The following RLF variants were observed in gnomAD, a reference collection of about 807,000 sequenced individuals.
RLF encodes zinc finger protein Rlf.
RLF carries 7 observed loss-of-function variants against 162.9 expected under a neutral mutation model. The ratio of observed to expected loss-of-function variants is 0.04; its 90% CI spans 0.02 to 0.08. The LOEUF is 0.08. RLF is among the 10% of genes least tolerant of loss of function. The pLI, the probability that RLF is intolerant of heterozygous loss-of-function variation, is 1.00. For missense variants in RLF, 1,664 were observed against 2,244.7 expected (o/e 0.74, Z 5.23); for synonymous variants, 782 against 791.5 (o/e 0.99, Z 0.20).
chr1:40,236,464 A>G lies in RLF; in HGVS notation c.1762A>G (p.Ile588Val). Reference protein sequence around the residue: ...EDGIYTCPVCIKKFKRKEMFV... With the variant: ...EDGIYTCPVCVKKFKRKEMFV... ...TGGAATTTACACCTGTCCAGTTTGT[A>G]TTAAAAAATTTAAGAGAAAAGAAAT... Residue 588 changes from isoleucine (I) to valine (V), a missense_variant, in exon 8 of 8, where the codon ATT becomes GTT. Physicochemically the swap from Ile to Val is conservative, Grantham distance 29. This residue lies in a region of RLF where 31 missense variants were observed against 80.5 expected (regional missense o/e 0.39). Coordinates refer to ENST00000372771, the MANE Select transcript of RLF (RefSeq NM_012421.4). This position sits in a 1 kb window ranked among gnomAD's most constrained non-coding sequence, Gnocchi z 7.7. 1.2e-6 allele frequency: 2 copies of G among 1,613,906 alleles called. No homozygotes were observed. The highest frequency in any genetic ancestry group is 1.7e-6 in the Non-Finnish European group (2 of 1,179,944).
At position 40,239,783 on chromosome 1, in the gene RLF, C is replaced by T; in HGVS notation, c.5081C>T (p.Pro1694Leu). 1 of 1,614,182 alleles carries T rather than the reference C, an allele frequency of 6.2e-7. No individual in the cohort carries two copies. Among genetic ancestry groups the T allele is most frequent in the Non-Finnish European group, 8.5e-7 (1 of 1,180,028 alleles). ...EQCNIVQPPP[P>L]CKIENSIPNP... is the part of the protein sequence containing the mutation. ...TGTAATATAGTTCAGCCTCCTCCTC[C>T]TTGTAAAATAGAAAATTCCATACCT... The change falls in exon 8 of 8, where the codon CCT becomes CTT. Residue 1694 changes from proline to leucine, a missense_variant. Pro to Leu is a moderately conservative substitution (Grantham distance 98, BLOSUM62 -3). This residue lies in a region of RLF where 327 missense variants were observed against 342.7 expected (regional missense o/e 0.95). Transcript: ENST00000372771.
intron 6 of RLF, among the ~76,000 whole-genome samples, chr1:40,224,623 C>CTTTTTTTTTTTTTTTTTTTTTT (rs1168908018): frequency 6.0e-5 from 2 of 33,262 alleles, no homozygotes; most frequent in Non-Finnish European, 9.6e-5. Flanking sequence ...TTTTTGAAAG[C>CTTTTTTTTTTTTTTTTTTTTTT]TTTTTTTTTT....
chr1:40,232,424 A>G (rs1310712885), intron 7 of RLF, among the ~76,000 whole-genome samples: 1 of 152,190 alleles, frequency 6.6e-6, no homozygotes, highest in Non-Finnish European at 1.5e-5. Context: ...ATCCAGCACA[A>G]TGTGGCAGGA....
At chr1:40,203,511 C>T (rs758045365) in intron 5 of RLF, among the ~76,000 whole-genome samples, 6 of 151,620 alleles carry the variant, frequency 4.0e-5, no homozygotes, top group Admixed American at 6.6e-5. Flanking sequence ...CCACTGCACT[C>T]CAGCCTGGGT....
chr1:40,190,951 T>G, intron 3 of RLF, 98 bp downstream of exon 3: 1 of 611,156 alleles, frequency 1.6e-6, no homozygotes. Context: ...AAAAACAAGT[T>G]TATTATATAT....
intron 1 of RLF, among the ~76,000 whole-genome samples, chr1:40,181,910 G>A (rs527788260): frequency 1.3e-5 from 2 of 152,220 alleles, no homozygotes; most frequent in East Asian, 3.9e-4. Flanking sequence ...CATGGGAAAA[G>A]TTAGATAAGG....
chr1:40,202,293 A>T, intron 4 of RLF, 119 bp from the exon 5 acceptor site: 1 of 663,774 alleles, frequency 1.5e-6, no homozygotes, highest in Non-Finnish European at 2.5e-6. Flanking sequence ...CTTCTCATTT[A>T]TATAAACTAA....
chr1:40,218,563 C>T (rs1180410433), intron 5 of RLF, among the ~76,000 whole-genome samples: 1 of 152,196 alleles, frequency 6.6e-6, no homozygotes, highest in Non-Finnish European at 1.5e-5. Context: ...CACAATTACT[C>T]TCACGTTAAT....
intron 6 of RLF, 132 bp downstream of exon 6, chr1:40,222,842 A>G (rs1643016940): frequency 1.5e-6 from 1 of 665,572 alleles, no homozygotes; most frequent in Non-Finnish European, 2.5e-6. Flanking sequence ...TTCCACACAC[A>G]ATCATTTAAT....
At chr1:40,234,179 G>A (rs1643188520) in intron 7 of RLF, among the ~76,000 whole-genome samples, 2 of 152,052 alleles carry the variant, frequency 1.3e-5, no homozygotes, top group Admixed American at 1.3e-4. Context: ...TAAACTCCAT[G>A]CCTCAAGTGA....
intron 5 of RLF, among the ~76,000 whole-genome samples, chr1:40,204,813 G>A (rs1234330450): frequency 6.6e-6 from 1 of 151,966 alleles, no homozygotes; most frequent in Non-Finnish European, 1.5e-5. Context: ...AATACTTTCT[G>A]CCCTGTTTCA....
intron 5 of RLF, among the ~76,000 whole-genome samples, chr1:40,204,435 C>T (rs1642761967): frequency 6.6e-6 from 1 of 151,858 alleles, no homozygotes; most frequent in Admixed American, 6.6e-5. Flanking sequence ...GAAAAATCTG[C>T]CAGCTAATTT....
rs12077138 is a variant in RLF, at chr1:40,233,971, C to T, written c.1090-1821C>T. Among the ~76,000 whole-genome samples the T allele has an allele frequency of 9.5e-3, 1,452 of 152,238 alleles. 22 individuals are homozygous for T. The highest frequency in any genetic ancestry group is 0.032 in the African/African-American group (1,347 of 41,542). Reference sequence around the variant, plus strand: ...GCCAAATATCTTCTTTTTTTTGAGACGGAGTCTCACTCTGTTGCCCAGGCT... The same window carrying T: ...GCCAAATATCTTCTTTTTTTTGAGATGGAGTCTCACTCTGTTGCCCAGGCT... On this transcript the variant is annotated intron_variant, in intron 7 of 7. Coordinates refer to ENST00000372771, the MANE Select transcript of RLF (RefSeq NM_012421.4).
At chr1:40,165,826 T>C (rs778593261) in intron 1 of RLF, among the ~76,000 whole-genome samples, 4 of 152,146 alleles carry the variant, frequency 2.6e-5, no homozygotes, top group Non-Finnish European at 5.9e-5. Flanking sequence ...ACTTATTAGC[T>C]TGGTATACAA....
intron 5 of RLF, among the ~76,000 whole-genome samples, chr1:40,212,339 G>T (rs1642875150): frequency 6.6e-6 from 1 of 152,182 alleles, no homozygotes. Context: ...GGTCTGGAAG[G>T]CAGAAGAATT....
chr1:40,204,748 T>C (rs568903939), intron 5 of RLF, among the ~76,000 whole-genome samples: 1 of 152,164 alleles, frequency 6.6e-6, no homozygotes, highest in East Asian at 1.9e-4. Flanking sequence ...GCCCATTCAT[T>C]CTCCCACTCT....
chr1:40,167,435 C>T (rs574933676), intron 1 of RLF, among the ~76,000 whole-genome samples: 8 of 152,154 alleles, frequency 5.3e-5, no homozygotes, highest in South Asian at 4.2e-4. Context: ...AAATGTGACC[C>T]GTGAAGCAGT....
At chr1:40,163,591 T>C (rs961952755) in intron 1 of RLF, among the ~76,000 whole-genome samples, 11 of 152,228 alleles carry the variant, frequency 7.2e-5, no homozygotes, top group African/African-American at 2.4e-5. Flanking sequence ...ATTTGTCTTT[T>C]CTATGAAGTT....
intron 3 of RLF, among the ~76,000 whole-genome samples, chr1:40,191,266 A>G (rs758896619): frequency 5.3e-5 from 8 of 152,186 alleles, no homozygotes; most frequent in Non-Finnish European, 1.0e-4. Flanking sequence ...GGCTGGGTGT[A>G]GTAGCTCACG....
Sources: gnomAD v4.1 joint callset for allele counts (sites outside exome capture counted in the v4.1 genomes callset) on GRCh38, gnomAD v4.1.1 for gene constraint, gnomAD v4.1.1 regional missense constraint, Gnocchi (gnomAD v3.1) non-coding constraint, MANE v1.5 for transcripts, NCBI Gene and HGNC (gene_info 2026-07-23, HGNC 2026-07-21) for gene names.